ZSWIM5: variants seen among roughly 807,000 people sequenced by gnomAD.
ZSWIM5 encodes the protein zinc finger SWIM domain-containing protein 5.
In ZSWIM5, 55 loss-of-function variants were observed where a neutral mutation model predicts 119.6. The observed-to-expected ratio is 0.46, with a 90% CI of 0.37 to 0.58. ZSWIM5 has a LOEUF of 0.58. Among genes scored for constraint, ZSWIM5 ranks in the 20% least tolerant of loss-of-function variants. ZSWIM5 has a pLI of 0.00. For missense variants in ZSWIM5, 1,193 were observed against 1,512.8 expected, an observed-to-expected ratio of 0.79 and a Z score of 3.51; for synonymous variants, 537 against 606.9, an observed-to-expected ratio of 0.88 and a Z score of 1.69.
intron 1 of ZSWIM5, among the ~76,000 whole-genome samples, chr1:45,135,390 T>C (rs1346188615): frequency 1.3e-5 from 2 of 152,194 alleles, no homozygotes; most frequent in Non-Finnish European, 2.9e-5. Flanking sequence ...AACTTAAAAA[T>C]GGTTAAGATG....
At chr1:45,020,041 G>A (rs1644877307) in intron 13 of ZSWIM5, 25 bp downstream of exon 13, 1 of 1,606,998 alleles carries the variant, frequency 6.2e-7, no homozygotes, top group Non-Finnish European at 8.5e-7. Context: ...TTTCCCCTGG[G>A]GGTAGAGGGA....
At position 45,018,858 on chromosome 1, in the gene ZSWIM5, GAGAGTGGCTGAGAGCACAAGCCC is replaced by G; in HGVS notation, c.3131_3153del (p.Trp1044SerfsTer5). 6.2e-7 allele frequency: 1 copy of G among 1,614,252 alleles called. No homozygotes were observed. The highest frequency in any genetic ancestry group is 8.5e-7 in the Non-Finnish European group (1 of 1,180,046). On this transcript the variant is annotated frameshift_variant, in exon 14 of 14. Coordinates refer to ENST00000359600, the MANE Select transcript of ZSWIM5 (RefSeq NM_020883.2). LOFTEE classifies it high-confidence loss of function. This position sits in a 1 kb window ranked among gnomAD's most constrained non-coding sequence, Gnocchi z 6.7. The stretch of plus-strand genomic sequence containing the variant: ...AGAGCTGCCAGCTCATTCTTGCCCA[GAGAGTGGCTGAGAGCACAAGCCC>G]AGAGCACATCATTGATGGCTGGGTG...
At chr1:45,198,171 T>C (rs1476332994) in intron 1 of ZSWIM5, among the ~76,000 whole-genome samples, 1 of 152,216 alleles carries the variant, frequency 6.6e-6, no homozygotes, top group Non-Finnish European at 1.5e-5. Context: ...TTGAACAAAC[T>C]TTCCACTTGA....
intron 1 of ZSWIM5, among the ~76,000 whole-genome samples, chr1:45,176,918 C>G (rs1645984713): frequency 6.6e-6 from 1 of 152,104 alleles, no homozygotes; most frequent in Non-Finnish European, 1.5e-5. Context: ...CTCTAGCACC[C>G]CATGCTAGGC....
In ZSWIM5 at chr1:45,018,284, A is replaced by T. The variant is rs1644867118; in HGVS notation, c.*170T>A. On this transcript the variant is annotated 3_prime_UTR_variant, in exon 14 of 14. Coordinates refer to ENST00000359600, the MANE Select transcript of ZSWIM5 (RefSeq NM_020883.2). This position sits in a 1 kb window ranked among gnomAD's most constrained non-coding sequence, Gnocchi z 6.7. Reference sequence around the variant, plus strand: ...GCTGTAGTCAGAAGCTTGCCAAGGTAGGCATTATCGACTAGAGCTGGACTT... The same window carrying T: ...GCTGTAGTCAGAAGCTTGCCAAGGTTGGCATTATCGACTAGAGCTGGACTT... The T allele has an allele frequency of 1.3e-6, 1 of 799,596 alleles. No homozygotes were observed. The highest frequency in any genetic ancestry group is 1.9e-6 in the Non-Finnish European group (1 of 518,886). The allele number at this position is 799,596 out of a possible 1,614,324, so 49.5% of individuals were successfully genotyped here.
At chr1:45,108,750 T>C (rs1176290224) in intron 1 of ZSWIM5, among the ~76,000 whole-genome samples, 3 of 152,094 alleles carry the variant, frequency 2.0e-5, no homozygotes, top group Admixed American at 6.5e-5. Flanking sequence ...AGCTCCTTTA[T>C]TCAAATACTT....
chr1:45,180,481 G>A (rs1646010011), intron 1 of ZSWIM5, among the ~76,000 whole-genome samples: 1 of 152,216 alleles, frequency 6.6e-6, no homozygotes, highest in South Asian at 2.1e-4. Flanking sequence ...GCCTGCCTCT[G>A]TAGGCTCCAC....
chr1:45,173,196 T>G (rs1438601721), intron 1 of ZSWIM5, among the ~76,000 whole-genome samples: 1 of 152,000 alleles, frequency 6.6e-6, no homozygotes, highest in East Asian at 1.9e-4. Context: ...TTTAAACAAT[T>G]TGGTACTACT....
intron 1 of ZSWIM5, among the ~76,000 whole-genome samples, chr1:45,167,578 A>G (rs1219491073): frequency 1.3e-5 from 2 of 152,160 alleles, no homozygotes; most frequent in East Asian, 3.8e-4. Context: ...TACCCATCTG[A>G]CAAAGGGCTA....
At chr1:45,078,635 C>G (rs1358650472) in intron 2 of ZSWIM5, among the ~76,000 whole-genome samples, 1 of 152,160 alleles carries the variant, frequency 6.6e-6, no homozygotes, top group Non-Finnish European at 1.5e-5. Context: ...AAGCCAGCAC[C>G]AAACTAGGTC....
chr1:45,153,324 C>T (rs1161626122), intron 1 of ZSWIM5, among the ~76,000 whole-genome samples: 3 of 151,614 alleles, frequency 2.0e-5, no homozygotes, highest in Admixed American at 6.6e-5. Flanking sequence ...AAGTTCGAGA[C>T]CAGCCTGGCC....
intron 1 of ZSWIM5, among the ~76,000 whole-genome samples, chr1:45,195,229 T>A (rs1169712583): frequency 6.6e-6 from 1 of 152,166 alleles, no homozygotes; most frequent in Non-Finnish European, 1.5e-5. Flanking sequence ...CTAAAAAATT[T>A]AAAGTTTTTG....
At chr1:45,089,769 G>A (rs1326638623) in intron 1 of ZSWIM5, among the ~76,000 whole-genome samples, 1 of 151,948 alleles carries the variant, frequency 6.6e-6, no homozygotes, top group Non-Finnish European at 1.5e-5. Context: ...GCCAGGAGTT[G>A]GGAGACCAGC....
chr1:45,117,746 C>G (rs1354243456), intron 1 of ZSWIM5, among the ~76,000 whole-genome samples: 1 of 152,084 alleles, frequency 6.6e-6, no homozygotes, highest in Non-Finnish European at 1.5e-5. Flanking sequence ...GTTGTATGAG[C>G]ATAAAGTGGT....
At chr1:45,080,645 A>G (rs567068968) in intron 2 of ZSWIM5, among the ~76,000 whole-genome samples, 1 of 152,200 alleles carries the variant, frequency 6.6e-6, no homozygotes, top group African/African-American at 2.4e-5. Context: ...TTGTGTGTAG[A>G]TGGTTCTTAG....
chr1:45,202,933 T>A (rs1466638577), intron 1 of ZSWIM5, among the ~76,000 whole-genome samples: 1 of 152,038 alleles, frequency 6.6e-6, no homozygotes, highest in African/African-American at 2.4e-5. Flanking sequence ...TTTATACTAC[T>A]ACTATATCCA....
At position 45,088,133 on chromosome 1, in the gene ZSWIM5, T is replaced by C; in HGVS notation, c.700A>G (p.Thr234Ala). 1 of 1,614,198 alleles carries C rather than the reference T, an allele frequency of 6.2e-7. No individual in the cohort carries two copies. Among genetic ancestry groups the C allele is most frequent in the Non-Finnish European group, 8.5e-7 (1 of 1,180,024 alleles). ...SFDRCKITSV[T>A]CGCGNKDIFY... Reference sequence around the variant, plus strand: ...ATGTCCTTGTTCCCACAGCCACATGTCACTGAGGTGATTTTGCATCGATCA... The same window carrying C: ...ATGTCCTTGTTCCCACAGCCACATGCCACTGAGGTGATTTTGCATCGATCA... The change falls in exon 2 of 14, where the codon ACA (threonine) becomes GCA (alanine). Residue 234 changes from threonine (T) to alanine (A), a missense_variant. This residue lies in a region of ZSWIM5 where 961 missense variants were observed against 1,290.0 expected (regional missense o/e 0.74). Coordinates refer to ENST00000359600, the MANE Select transcript of ZSWIM5 (RefSeq NM_020883.2). This position sits in a 1 kb window ranked among gnomAD's most constrained non-coding sequence, Gnocchi z 4.2.
intron 11 of ZSWIM5, among the ~76,000 whole-genome samples, chr1:45,028,700 G>A (rs1458329491): frequency 6.6e-6 from 1 of 151,982 alleles, no homozygotes; most frequent in Non-Finnish European, 1.5e-5. Context: ...GGGTTGCAGT[G>A]AGCTGAAATC....
chr1:45,071,454 CTTTTT>C (rs58028758), intron 2 of ZSWIM5, among the ~76,000 whole-genome samples: 6 of 93,754 alleles, frequency 6.4e-5, no homozygotes, highest in Non-Finnish European at 9.8e-5. Flanking sequence ...GACAGAATCT[CTTTTT>C]TTTTTTTTTT....
Sources: gnomAD v4.1 joint callset for allele counts (sites outside exome capture counted in the v4.1 genomes callset) on GRCh38, gnomAD v4.1.1 for gene constraint, gnomAD v4.1.1 regional missense constraint, Gnocchi (gnomAD v3.1) non-coding constraint, MANE v1.5 for transcripts, NCBI Gene and HGNC (gene_info 2026-07-23, HGNC 2026-07-21) for gene names.